Variants in NAV2 observed in about 807,000 individuals in gnomAD.
NAV2 encodes helicase, APC down-regulated 1.
Under a neutral mutation model 223.2 loss-of-function variants are expected in NAV2, and 54 were observed. That is an observed-to-expected ratio of 0.24 (90% CI 0.19 to 0.30). NAV2 has a LOEUF of 0.30. Among genes scored for constraint, NAV2 ranks in the 10% least tolerant of loss-of-function variants. The probability of loss-of-function intolerance (pLI) is 1.00; values close to 1 mark genes in which losing one functional copy is unlikely to be tolerated. For missense variants in NAV2, 2,806 were observed against 3,147.5 expected, an observed-to-expected ratio of 0.89 and a Z score of 2.60; for synonymous variants, 1,279 against 1,239.3, an observed-to-expected ratio of 1.03 and a Z score of -0.67.
intron 6 of NAV2, among the ~76,000 whole-genome samples, chr11:19,906,713 TG>T (rs775712159): frequency 5.9e-5 from 9 of 152,198 alleles, no homozygotes; most frequent in Non-Finnish European, 1.0e-4. Flanking sequence ...AAGCAGATGC[TG>T]GCAGGTCGGT....
chr11:19,890,039 C>T (rs769063589), intron 5 of NAV2, among the ~76,000 whole-genome samples: 5 of 152,140 alleles, frequency 3.3e-5, no homozygotes, highest in South Asian at 2.1e-4. Context: ...TTCATGAACC[C>T]GTGTTCACTG....
chr11:19,607,466 A>G (rs2046510710), intron 1 of NAV2, among the ~76,000 whole-genome samples: 1 of 152,170 alleles, frequency 6.6e-6, no homozygotes, highest in Admixed American at 6.5e-5. Context: ...CTGTCATCTG[A>G]GGTTGCAGCT....
intron 1 of NAV2, among the ~76,000 whole-genome samples, chr11:19,698,816 G>T (rs561912264): frequency 6.7e-6 from 1 of 150,338 alleles, no homozygotes. Flanking sequence ...GTGTGTGCAT[G>T]TGAGAGAGAG....
At chr11:19,787,975 G>A (rs1034975590) in intron 1 of NAV2, among the ~76,000 whole-genome samples, 2 of 152,114 alleles carry the variant, frequency 1.3e-5, no homozygotes, top group Admixed American at 6.5e-5. Context: ...CTGGATGCCC[G>A]TCCCACATGT....
At chr11:19,552,035 G>A (rs186127724) in intron 1 of NAV2, among the ~76,000 whole-genome samples, 20 of 152,240 alleles carry the variant, frequency 1.3e-4, no homozygotes, top group Admixed American at 6.5e-4. Context: ...GGAGGACGGG[G>A]GAGGCAGTGA....
At chr11:19,902,942 TGAG>T (rs2042572028) in intron 6 of NAV2, among the ~76,000 whole-genome samples, 1 of 152,198 alleles carries the variant, frequency 6.6e-6, no homozygotes, top group Non-Finnish European at 1.5e-5. Context: ...CATGGAGTGC[TGAG>T]GAGAGAGACC....
At chr11:19,517,795 G>A (rs2043506046) in intron 1 of NAV2, among the ~76,000 whole-genome samples, 1 of 152,196 alleles carries the variant, frequency 6.6e-6, no homozygotes, top group African/African-American at 2.4e-5. Context: ...TAGGATCAAT[G>A]GGTAAAAATA....
At position 20,078,022 on chromosome 11, in the gene NAV2, C is replaced by T; in HGVS notation, c.5097C>T (p.Thr1699=). 1 of 1,613,224 alleles carries T rather than the reference C, an allele frequency of 6.2e-7. No individual in the cohort carries two copies. The highest frequency in any genetic ancestry group is 8.5e-7 in the Non-Finnish European group (1 of 1,179,768). Residue 1699 remains threonine, a synonymous_variant, in exon 24 of 38, where the codon ACC becomes ACT. Transcript: ENST00000349880. ...CAGAACTGAATGAGTTAAGAAAAACCATTGAGCTGCTAAAGAAACAGAACG... is the reference window on the plus strand; with the variant it reads ...CAGAACTGAATGAGTTAAGAAAAACTATTGAGCTGCTAAAGAAACAGAACG... The part of the protein sequence containing the change: ...KDSELNELRK[T]IELLKKQNAA...
chr11:20,091,360 C>G (rs892600651), intron 27 of NAV2, among the ~76,000 whole-genome samples: 2 of 152,176 alleles, frequency 1.3e-5, no homozygotes, highest in African/African-American at 4.8e-5. Flanking sequence ...AGAATCTACT[C>G]GCCAGCCAGA....
intron 6 of NAV2, among the ~76,000 whole-genome samples, chr11:19,898,232 C>T (rs560431836): frequency 3.0e-4 from 46 of 152,088 alleles, no homozygotes; most frequent in East Asian, 5.8e-4. Flanking sequence ...TCTTGATTTT[C>T]GTTACAAAAA....
intron 6 of NAV2, among the ~76,000 whole-genome samples, chr11:19,932,088 T>C (rs1421719752): frequency 6.6e-6 from 1 of 151,878 alleles, no homozygotes. Context: ...CAATTCTGGC[T>C]CTAGTTTGGA....
intron 1 of NAV2, among the ~76,000 whole-genome samples, chr11:19,408,551 C>T (rs1182482065): frequency 6.6e-6 from 1 of 152,228 alleles, no homozygotes; most frequent in African/African-American, 2.4e-5. Context: ...CATTACCCTC[C>T]ATCCTCACAA....
intron 1 of NAV2, among the ~76,000 whole-genome samples, chr11:19,353,357 T>A (rs1405305907): frequency 1.3e-5 from 2 of 152,208 alleles, no homozygotes; most frequent in Non-Finnish European, 2.9e-5. Context: ...GGGGGTTTCA[T>A]GTGGATGAAA....
chr11:20,115,745 T>A (rs1250755012), intron 37 of NAV2, among the ~76,000 whole-genome samples: 1 of 149,974 alleles, frequency 6.7e-6, no homozygotes, highest in Non-Finnish European at 1.5e-5. Flanking sequence ...AAACCTCTTC[T>A]CTACAAAAAA....
intron 6 of NAV2, among the ~76,000 whole-genome samples, chr11:19,910,742 C>T (rs1286679514): frequency 6.6e-6 from 1 of 152,066 alleles, no homozygotes; most frequent in Admixed American, 6.6e-5. Context: ...CCTGTAATCC[C>T]AGCTACTCGG....
chr11:19,829,187 C>G (rs139877564), intron 1 of NAV2, among the ~76,000 whole-genome samples: 3 of 152,176 alleles, frequency 2.0e-5, no homozygotes, highest in Admixed American at 2.0e-4. Context: ...TTTAGGTGCA[C>G]GTGGCTTTAA....
At chr11:20,088,581 G>A (rs2060610358) in intron 26 of NAV2, among the ~76,000 whole-genome samples, 1 of 152,190 alleles carries the variant, frequency 6.6e-6, no homozygotes, top group Admixed American at 6.5e-5. Flanking sequence ...GCATAGGGAG[G>A]ACAAAGTCCT....
chr11:19,732,638 T>G (rs2051904948), intron 1 of NAV2, among the ~76,000 whole-genome samples: 1 of 152,186 alleles, frequency 6.6e-6, no homozygotes, highest in African/African-American at 2.4e-5. Flanking sequence ...TTAGGAGGCC[T>G]TTGGTCACCC....
intron 36 of NAV2, among the ~76,000 whole-genome samples, chr11:20,112,259 A>G (rs2153721834): frequency 6.6e-6 from 1 of 152,246 alleles, no homozygotes; most frequent in Middle Eastern, 3.4e-3. Flanking sequence ...CTTCCTGCTC[A>G]CACAATAATT....
Sources: gnomAD v4.1 joint callset for allele counts (sites outside exome capture counted in the v4.1 genomes callset) on GRCh38, gnomAD v4.1.1 for gene constraint, MANE v1.5 for transcripts, NCBI Gene and HGNC (gene_info 2026-07-23, HGNC 2026-07-21) for gene names.